The following KCNJ6 variants were observed in gnomAD, a reference collection of about 807,000 sequenced individuals.
KCNJ6 encodes the protein potassium inwardly rectifying channel subfamily J member 6.
Under a neutral mutation model 34.2 loss-of-function variants are expected in KCNJ6, and 9 were observed. That is an observed-to-expected ratio of 0.26 (90% CI 0.16 to 0.46). The LOEUF (loss-of-function observed/expected upper bound fraction) is 0.46, where lower values mean the gene tolerates loss of function less well. KCNJ6 is among the 20% of genes least tolerant of loss of function. The pLI, the probability that KCNJ6 is intolerant of heterozygous loss-of-function variation, is 1.00. For synonymous variants in KCNJ6, 196 were observed against 207.1 expected, an observed-to-expected ratio of 0.95 and a Z score of 0.46; for missense variants, 236 against 531.3, an observed-to-expected ratio of 0.44 and a Z score of 5.46.
At chr21:37,817,008 G>A (rs114118288) in intron 2 of KCNJ6, among the ~76,000 whole-genome samples, 1,754 of 152,284 alleles carry the variant, frequency 0.012, 34 homozygotes, top group African/African-American at 0.04. Flanking sequence ...GAGCCTGAAT[G>A]CATGAGTTCA....
intron 3 of KCNJ6, among the ~76,000 whole-genome samples, chr21:37,690,841 G>A (rs538817671): frequency 6.0e-5 from 9 of 148,814 alleles, no homozygotes; most frequent in Middle Eastern, 3.5e-3. Flanking sequence ...GTGCAGTGGC[G>A]TGATCTTGGC....
rs540544076 is a variant in KCNJ6, at chr21:37,860,714, C to T, written c.-27-20005G>A. ...GCCAGAAAAGCTCTCCCACTACCCCCCTGGAGTGGCTCTCTATGTCATATC... is the reference window on the plus strand; with the variant it reads ...GCCAGAAAAGCTCTCCCACTACCCCTCTGGAGTGGCTCTCTATGTCATATC... On this transcript the variant is annotated intron_variant, in intron 1 of 3. Coordinates refer to ENST00000609713, the MANE Select transcript of KCNJ6 (RefSeq NM_002240.5). Among the ~76,000 whole-genome samples, 23 of 152,258 alleles carry T rather than the reference C, an allele frequency of 1.5e-4. 1 individual carries two copies. The highest frequency in any genetic ancestry group is 9.7e-4 in the East Asian group (5 of 5,162).
intron 2 of KCNJ6, among the ~76,000 whole-genome samples, chr21:37,715,867 C>T (rs763855501): frequency 8.5e-5 from 13 of 152,162 alleles, no homozygotes; most frequent in Non-Finnish European, 5.9e-5. Context: ...GCCTCCAGAA[C>T]GATGAGAAAA....
Position 37,612,496 on chromosome 21 carries a change from T to C in KCNJ6, c.*12663A>G, listed in dbSNP as rs2054246086. On this transcript the variant is annotated 3_prime_UTR_variant, in exon 4 of 4. Coordinates refer to ENST00000609713, the MANE Select transcript of KCNJ6 (RefSeq NM_002240.5). ...AGTTATTTTGTTGGTACCAAAAAACTGAGTCTGCAGTTTATATGGAGAAAG... is the reference window on the plus strand; with the variant it reads ...AGTTATTTTGTTGGTACCAAAAAACCGAGTCTGCAGTTTATATGGAGAAAG... 6.6e-6 allele frequency: 1 copy of C among 152,172 alleles called. No individual in the cohort carries two copies. The highest frequency in any genetic ancestry group is 1.5e-5 in the Non-Finnish European group (1 of 68,016). The allele number at this position is 152,172 out of a possible 1,614,324, so 9.4% of individuals were successfully genotyped here.
intron 2 of KCNJ6, among the ~76,000 whole-genome samples, chr21:37,799,959 A>G (rs1420051387): frequency 3.9e-5 from 6 of 152,210 alleles, no homozygotes; most frequent in Admixed American, 3.9e-4. Context: ...TGTGTTTTTT[A>G]GTAAGAGAGG....
intron 3 of KCNJ6, among the ~76,000 whole-genome samples, chr21:37,654,255 A>G (rs1429607197): frequency 1.3e-5 from 2 of 151,910 alleles, no homozygotes; most frequent in African/African-American, 2.4e-5. Context: ...TTCAGTCTCC[A>G]TGTCCTGTGA....
At chr21:37,796,250 C>T (rs1273720004) in intron 2 of KCNJ6, among the ~76,000 whole-genome samples, 1 of 152,166 alleles carries the variant, frequency 6.6e-6, no homozygotes. Flanking sequence ...TCAGCTGGAT[C>T]AACAGCCTTC....
intron 2 of KCNJ6, among the ~76,000 whole-genome samples, chr21:37,733,740 A>G (rs71316603): frequency 0.053 from 8,027 of 152,324 alleles, 547 homozygotes; most frequent in East Asian, 0.35. Flanking sequence ...AAAAGGTTTC[A>G]TAAGGCAGGT....
At chr21:37,707,905 A>T (rs2054729698) in intron 3 of KCNJ6, among the ~76,000 whole-genome samples, 1 of 151,934 alleles carries the variant, frequency 6.6e-6, no homozygotes, top group African/African-American at 2.4e-5. Context: ...ACACGATTTG[A>T]CGTTCATCTC....
At chr21:37,907,579 A>G (rs980369485) in intron 1 of KCNJ6, among the ~76,000 whole-genome samples, 1 of 152,242 alleles carries the variant, frequency 6.6e-6, no homozygotes, top group African/African-American at 2.4e-5. Flanking sequence ...AATGCAGAGA[A>G]GACAGATCAC....
At position 37,714,201 on chromosome 21, in the gene KCNJ6, C is replaced by T. The variant is rs757926510; in HGVS notation, c.946+10G>A. On this transcript the variant is annotated intron_variant, in intron 3 of 3. Coordinates refer to ENST00000609713, the MANE Select transcript of KCNJ6 (RefSeq NM_002240.5). The surrounding 1 kb of genome is among the most constrained non-coding windows in gnomAD (Gnocchi z 5.9). ...ATCCCACAGCCATCCCAGGATAGAA[C>T]ACATCTTACCTGTGGCTTCCACCAT... is the stretch of plus-strand genomic sequence containing the variant. 6 of 1,597,074 alleles carry T rather than the reference C, an allele frequency of 3.8e-6. No homozygotes were observed. The highest frequency in any genetic ancestry group is 5.1e-6 in the Non-Finnish European group (6 of 1,166,490).
At chr21:37,709,712 G>A (rs1340399290) in intron 3 of KCNJ6, among the ~76,000 whole-genome samples, 1 of 152,172 alleles carries the variant, frequency 6.6e-6, no homozygotes, top group Non-Finnish European at 1.5e-5. Context: ...CACGGGTCTT[G>A]TTGAGGTTCC....
chr21:37,907,723 A>G (rs1837785878), intron 1 of KCNJ6, among the ~76,000 whole-genome samples: 1 of 152,104 alleles, frequency 6.6e-6, no homozygotes, highest in Non-Finnish European at 1.5e-5. Flanking sequence ...TCCTTCCTTC[A>G]TCTTCAAATA....
intron 3 of KCNJ6, among the ~76,000 whole-genome samples, chr21:37,662,486 C>T (rs1484849950): frequency 3.3e-5 from 5 of 152,076 alleles, no homozygotes; most frequent in African/African-American, 7.2e-5. Context: ...GTATATGTAC[C>T]ACATTTGCTT....
At chr21:37,807,397 G>C (rs543261534) in intron 2 of KCNJ6, among the ~76,000 whole-genome samples, 1 of 152,164 alleles carries the variant, frequency 6.6e-6, no homozygotes, top group Non-Finnish European at 1.5e-5. Flanking sequence ...TAAAAGTCAC[G>C]TATTTCCTGA....
chr21:37,806,731 C>G (rs1158705215), intron 2 of KCNJ6, among the ~76,000 whole-genome samples: 1 of 152,126 alleles, frequency 6.6e-6, no homozygotes, highest in African/African-American at 2.4e-5. Flanking sequence ...TTTCTGTGAT[C>G]AATAGAACAA....
At chr21:37,774,260 C>T (rs950994626) in intron 2 of KCNJ6, among the ~76,000 whole-genome samples, 1 of 152,134 alleles carries the variant, frequency 6.6e-6, no homozygotes, top group Non-Finnish European at 1.5e-5. Flanking sequence ...TTACTTGACA[C>T]AATTGTTTGA....
intron 3 of KCNJ6, among the ~76,000 whole-genome samples, chr21:37,677,941 T>C (rs1348409393): frequency 2.0e-5 from 1 of 48,928 alleles, no homozygotes; most frequent in Non-Finnish European, 5.9e-5. Context: ...ATTCATTCAT[T>C]GGCAAAGGCA....
chr21:37,818,611 G>C (rs750053413), intron 2 of KCNJ6, among the ~76,000 whole-genome samples: 1 of 152,088 alleles, frequency 6.6e-6, no homozygotes, highest in Non-Finnish European at 1.5e-5. Context: ...TCTCCATAAC[G>C]ATAAGACTCG....
Sources: allele counts gnomAD v4.1 joint callset (sites outside exome capture counted in the v4.1 genomes callset), GRCh38; gene constraint gnomAD v4.1.1; non-coding constraint Gnocchi (gnomAD v3.1); transcripts MANE v1.5; gene names NCBI Gene and HGNC (gene_info 2026-07-23, HGNC 2026-07-21).